The following AFF3 variants were observed in gnomAD, a reference collection of about 807,000 sequenced individuals.
AFF3 encodes the protein ALF transcription elongation factor 3.
AFF3 carries 32 observed loss-of-function variants against 129.7 expected under a neutral mutation model. The ratio of observed to expected loss-of-function variants is 0.25; its 90% confidence interval spans 0.19 to 0.33. AFF3 has a LOEUF of 0.33. AFF3 is among the 10% of genes least tolerant of loss of function. AFF3 has a pLI of 1.00. For missense variants in AFF3, 1,373 were observed against 1,592.0 expected (o/e 0.86, Z 2.34); for synonymous variants, 644 against 635.4 (o/e 1.01, Z -0.20).
At chr2:100,058,433 G>GA (rs890232969) in intron 4 of AFF3, among the ~76,000 whole-genome samples, 80 of 151,280 alleles carry the variant, frequency 5.3e-4, no homozygotes, top group African/African-American at 1.8e-3. Context: ...ATACATTTTA[G>GA]AAAAAAAAAT....
intron 7 of AFF3, among the ~76,000 whole-genome samples, chr2:99,944,666 C>G (rs549096482): frequency 6.6e-6 from 1 of 152,064 alleles, no homozygotes; most frequent in Non-Finnish European, 1.5e-5. Context: ...CACTATGAAC[C>G]ATGCACGCAC....
chr2:99,858,382 C>CA (rs34454669), intron 7 of AFF3, among the ~76,000 whole-genome samples: 20,832 of 82,376 alleles, frequency 0.25, 2,003 homozygotes, highest in Admixed American at 0.39. Context: ...CCTGTTTCTA[C>CA]AAAAAAAAAA....
chr2:100,128,343 G>A (rs1692287489), intron 2 of AFF3, among the ~76,000 whole-genome samples: 1 of 152,116 alleles, frequency 6.6e-6, no homozygotes, highest in South Asian at 2.1e-4. Context: ...CCACTTTCCT[G>A]TAACAGAGGC....
At position 99,627,206 on chromosome 2, in the gene AFF3, G is replaced by A. The variant is rs747411328; in HGVS notation, c.1184+22420C>T. Among the ~76,000 whole-genome samples, 26 of 152,044 alleles carry A rather than the reference G, an allele frequency of 1.7e-4. No homozygotes were observed. The South Asian group carries it at 2.5e-3, about 15-fold the overall frequency. On this transcript the variant is annotated intron_variant, in intron 13 of 24. Coordinates refer to ENST00000672756, the MANE Select transcript of AFF3 (RefSeq NM_001386135.1). ...TACATTCCCACCAACAGTGTATAAC[G>A]TTCCTTTTTCTCCACAACCTCGCTA...
At chr2:100,061,863 G>A (rs545362687) in intron 4 of AFF3, among the ~76,000 whole-genome samples, 2 of 150,400 alleles carry the variant, frequency 1.3e-5, no homozygotes, top group African/African-American at 2.4e-5. Context: ...GTGGAGGGGG[G>A]GGGGGTGCCG....
intron 7 of AFF3, among the ~76,000 whole-genome samples, chr2:99,858,643 A>G (rs914537935): frequency 1.3e-5 from 2 of 152,198 alleles, no homozygotes; most frequent in African/African-American, 4.8e-5. Context: ...GCAAACTAAC[A>G]CAGGAACAGA....
intron 4 of AFF3, among the ~76,000 whole-genome samples, chr2:100,016,723 C>T (rs957464347): frequency 1.1e-4 from 14 of 130,426 alleles, no homozygotes; most frequent in East Asian, 7.1e-4. Flanking sequence ...ATGGTGGTAG[C>T]GATGGTGATA....
At chr2:99,990,056 T>C (rs1453761516) in intron 7 of AFF3, among the ~76,000 whole-genome samples, 2 of 152,182 alleles carry the variant, frequency 1.3e-5, no homozygotes, top group African/African-American at 4.8e-5. Flanking sequence ...AGATCAACAA[T>C]GATCTTATCA....
At chr2:99,601,857 G>A (rs1031871607) in intron 13 of AFF3, among the ~76,000 whole-genome samples, 4 of 152,220 alleles carry the variant, frequency 2.6e-5, no homozygotes, top group South Asian at 2.1e-4. Context: ...CTTGGTAGTC[G>A]GGCACTGGTT....
intron 13 of AFF3, among the ~76,000 whole-genome samples, chr2:99,618,041 T>A (rs1281454979): frequency 6.6e-6 from 1 of 152,096 alleles, no homozygotes; most frequent in South Asian, 2.1e-4. Flanking sequence ...TGAGGCAGGA[T>A]GGTGCATAGT....
intron 8 of AFF3, among the ~76,000 whole-genome samples, chr2:99,775,732 C>T (rs1433304367): frequency 1.3e-5 from 2 of 151,704 alleles, no homozygotes; most frequent in African/African-American, 4.8e-5. Flanking sequence ...TTCCTCATGG[C>T]TCATCCTCGC....
intron 13 of AFF3, among the ~76,000 whole-genome samples, chr2:99,627,338 C>CT (rs1208451202): frequency 6.6e-6 from 1 of 152,000 alleles, no homozygotes; most frequent in Non-Finnish European, 1.5e-5. Context: ...TGATGTTGAG[C>CT]TTTTTTTCAT....
chr2:100,083,773 A>C (rs993074945), intron 4 of AFF3, among the ~76,000 whole-genome samples: 12 of 152,114 alleles, frequency 7.9e-5, no homozygotes, highest in Non-Finnish European at 1.8e-4. Context: ...CTCCAGGTTA[A>C]GGATCCTCAG....
intron 8 of AFF3, among the ~76,000 whole-genome samples, chr2:99,768,648 A>G (rs1052902649): frequency 6.6e-6 from 1 of 152,168 alleles, no homozygotes; most frequent in African/African-American, 2.4e-5. Context: ...CAGATTAAAT[A>G]TCTCCCTTCA....
intron 2 of AFF3, among the ~76,000 whole-genome samples, chr2:100,108,528 C>A (rs915049068): frequency 9.9e-5 from 15 of 152,124 alleles, no homozygotes; most frequent in African/African-American, 3.4e-4. Context: ...CCCCTCCCCC[C>A]AGCCTGTCCA....
At chr2:99,927,497 T>C (rs981626135) in intron 7 of AFF3, among the ~76,000 whole-genome samples, 5 of 152,086 alleles carry the variant, frequency 3.3e-5, no homozygotes, top group Non-Finnish European at 4.4e-5. Context: ...AACTACCACA[T>C]GTTCTAACTT....
intron 11 of AFF3, among the ~76,000 whole-genome samples, chr2:99,715,672 AT>A (rs1167809668): frequency 7.5e-6 from 1 of 132,828 alleles, no homozygotes; most frequent in African/African-American, 2.8e-5. Context: ...GTCATTTCAA[AT>A]CTTTTTTTTT....
At chr2:99,678,068 G>C (rs149977940) in intron 11 of AFF3, among the ~76,000 whole-genome samples, 1 of 152,204 alleles carries the variant, frequency 6.6e-6, no homozygotes, top group Non-Finnish European at 1.5e-5. Flanking sequence ...CTGTCTCCCA[G>C]GGGTGGTTCC....
intron 4 of AFF3, among the ~76,000 whole-genome samples, chr2:100,015,194 T>C (rs114166211): frequency 0.02 from 3,091 of 152,248 alleles, 114 homozygotes; most frequent in African/African-American, 0.071. Context: ...TACCTCACTC[T>C]AAACAGGTTC....
Sources: allele counts gnomAD v4.1 joint callset (sites outside exome capture counted in the v4.1 genomes callset), GRCh38; gene constraint gnomAD v4.1.1; transcripts MANE v1.5; gene names NCBI Gene and HGNC (gene_info 2026-07-23, HGNC 2026-07-21).